Variants in CYB5A observed in about 807,000 individuals in gnomAD.
The protein encoded by CYB5A is cytochrome b5 type A, also known as cytochrome b5.
In CYB5A, 10 loss-of-function variants were observed where a neutral mutation model predicts 16.2. The ratio of observed to expected loss-of-function variants is 0.62; its 90% CI spans 0.38 to 1.04. The LOEUF (loss-of-function observed/expected upper bound fraction) is 1.04, where lower values mean the gene tolerates loss of function less well. Among genes scored for constraint, CYB5A ranks in the 50% least tolerant of loss-of-function variants. The probability of loss-of-function intolerance (pLI) is 0.01; values close to 1 mark genes in which losing one functional copy is unlikely to be tolerated. For synonymous variants in CYB5A, 62 were observed against 57.0 expected (o/e 1.09, Z -0.40); for missense variants, 161 against 165.9 (o/e 0.97, Z 0.16).
intron 1 of CYB5A, among the ~76,000 whole-genome samples, chr18:74,279,968 A>AT (rs1983029003): frequency 6.6e-6 from 1 of 152,250 alleles, no homozygotes; most frequent in Admixed American, 6.5e-5. Flanking sequence ...GGAAGGACAC[A>AT]GAGAAGCAAA....
chr18:74,267,665 A>T (rs975289238), intron 1 of CYB5A, among the ~76,000 whole-genome samples: 2 of 152,218 alleles, frequency 1.3e-5, no homozygotes, highest in Non-Finnish European at 2.9e-5. Flanking sequence ...AAGTAAACTT[A>T]TCTGATGATT....
chr18:74,251,711 C>T lies in CYB5A; in HGVS notation c.*1873G>A, dbSNP rs1981780976. 1 of 152,170 alleles carries T rather than the reference C, an allele frequency of 6.6e-6. No individual in the cohort carries two copies. The highest frequency in any genetic ancestry group is 1.5e-5 in the Non-Finnish European group (1 of 68,042). The allele number at this position is 152,170 out of a possible 1,614,324, so 9.4% of individuals were successfully genotyped here. A position where few individuals can be genotyped will look rare whatever the true frequency, so the allele number is the denominator to read the frequency against. On this transcript the variant is annotated 3_prime_UTR_variant, in exon 5 of 5. Transcript: ENST00000340533. ...CAAATATCTTTCCTTGAGAGTCTGG[C>T]TGCACAAACTGTAAATGTTAAAATT...
intron 1 of CYB5A, among the ~76,000 whole-genome samples, chr18:74,275,423 C>T (rs545401887): frequency 1.3e-5 from 2 of 152,206 alleles, no homozygotes; most frequent in Non-Finnish European, 2.9e-5. Context: ...ATACCGCCTC[C>T]GAGCACCAGG....
chr18:74,266,804 T>C (rs1982454637), intron 1 of CYB5A, among the ~76,000 whole-genome samples: 1 of 145,710 alleles, frequency 6.9e-6, no homozygotes, highest in Non-Finnish European at 1.5e-5. Flanking sequence ...GTTTCACTGA[T>C]AACTCATGTA....
chr18:74,262,469 AAG>A (rs1555688510), intron 2 of CYB5A, among the ~76,000 whole-genome samples: 9 of 145,036 alleles, frequency 6.2e-5, no homozygotes, highest in Admixed American at 5.8e-4. Context: ...AAAAAAAAAA[AAG>A]AAAAGAAAAG....
chr18:74,270,847 C>A (rs567348097), intron 1 of CYB5A, among the ~76,000 whole-genome samples: 3 of 152,136 alleles, frequency 2.0e-5, no homozygotes, highest in Non-Finnish European at 4.4e-5. Flanking sequence ...CTAGTGACAG[C>A]GACATTTCAT....
At chr18:74,255,270 G>C (rs1288197312) in intron 4 of CYB5A, among the ~76,000 whole-genome samples, 1 of 152,130 alleles carries the variant, frequency 6.6e-6, no homozygotes, top group African/African-American at 2.4e-5. Context: ...AAACAAATCT[G>C]GTGCCTAGAA....
intron 3 of CYB5A, chr18:74,257,064 A>G: frequency 1.8e-6 from 1 of 559,814 alleles, no homozygotes; most frequent in Non-Finnish European, 3.2e-6. Flanking sequence ...ATTAGAGGAC[A>G]CAATCAGTTC....
chr18:74,271,329 A>G (rs1788633), intron 1 of CYB5A, among the ~76,000 whole-genome samples: 2,065 of 152,234 alleles, frequency 0.014, 42 homozygotes, highest in African/African-American at 0.047. Context: ...AGATGACCCA[A>G]TGGGTCCTAA....
intron 1 of CYB5A, among the ~76,000 whole-genome samples, chr18:74,282,828 C>G (rs1983170573): frequency 6.6e-6 from 1 of 152,136 alleles, no homozygotes; most frequent in Admixed American, 6.5e-5. Context: ...CTTTCCAAAC[C>G]AGGGCAAAGA....
intron 1 of CYB5A, among the ~76,000 whole-genome samples, chr18:74,288,790 G>C (rs1303193320): frequency 1.3e-5 from 2 of 152,184 alleles, no homozygotes; most frequent in Non-Finnish European, 2.9e-5. Flanking sequence ...TTTGCCGGGG[G>C]CTGGGAAGCC....
intron 1 of CYB5A, among the ~76,000 whole-genome samples, chr18:74,286,289 TA>T (rs1351546778): frequency 6.6e-6 from 1 of 152,254 alleles, no homozygotes; most frequent in East Asian, 1.9e-4. Flanking sequence ...GTTGTATGTT[TA>T]AAAGCTCCTG....
intron 1 of CYB5A, among the ~76,000 whole-genome samples, chr18:74,272,330 A>C (rs1982699761): frequency 1.3e-5 from 2 of 152,226 alleles, no homozygotes; most frequent in African/African-American, 4.8e-5. Flanking sequence ...CACAGCAGTA[A>C]GGACGACCCA....
At chr18:74,266,448 C>T (rs1055698594) in intron 1 of CYB5A, among the ~76,000 whole-genome samples, 3 of 152,118 alleles carry the variant, frequency 2.0e-5, no homozygotes, top group Admixed American at 6.6e-5. Flanking sequence ...CAGGGACAGC[C>T]GATGTTCAAA....
At position 74,253,535 on chromosome 18, in the gene CYB5A, C is replaced by G. The variant is rs749104800; in HGVS notation, c.*49G>C. ...GAAGTAGTTAGCAATGGCTTCTTTTCTCCCGTGTCCAAAGCAGGCTCTTCC... is the reference window on the plus strand; with the variant it reads ...GAAGTAGTTAGCAATGGCTTCTTTTGTCCCGTGTCCAAAGCAGGCTCTTCC... On this transcript the variant is annotated 3_prime_UTR_variant, in exon 5 of 5. Transcript: ENST00000340533. 4 of 1,239,328 alleles carry G rather than the reference C, an allele frequency of 3.2e-6. No individual in the cohort carries two copies. The Admixed American group carries it at 5.2e-5, about 16-fold the overall frequency. 76.8% of individuals were successfully genotyped at this position (1,239,328 alleles called of 1,614,324 possible). A position where few individuals can be genotyped will look rare whatever the true frequency, so the allele number is the denominator to read the frequency against.
chr18:74,276,197 C>G (rs1225432610), intron 1 of CYB5A, among the ~76,000 whole-genome samples: 4 of 152,096 alleles, frequency 2.6e-5, no homozygotes, highest in African/African-American at 9.7e-5. Context: ...AGAGACTCAA[C>G]ATCCTAAATT....
At chr18:74,263,536 A>C in intron 1 of CYB5A, 59 bp from the exon 2 acceptor site, 1 of 1,497,808 alleles carries the variant, frequency 6.7e-7, no homozygotes, top group Middle Eastern at 1.7e-4. Context: ...TTAAGAGAAA[A>C]CGGCCAGAAT....
intron 1 of CYB5A, among the ~76,000 whole-genome samples, chr18:74,264,912 C>T (rs1788626): frequency 0.94 from 143,110 of 152,152 alleles, 67,775 homozygotes; most frequent in East Asian, 1. Flanking sequence ...AAAAAGAAAG[C>T]GGAGCTTGGG....
At chr18:74,265,671 C>T (rs371872269) in intron 1 of CYB5A, among the ~76,000 whole-genome samples, 1 of 152,206 alleles carries the variant, frequency 6.6e-6, no homozygotes, top group South Asian at 2.1e-4. Context: ...GCAGCCTGTA[C>T]AAGCACGGCA....
Sources: gnomAD v4.1 joint callset for allele counts (sites outside exome capture counted in the v4.1 genomes callset) on GRCh38, gnomAD v4.1.1 for gene constraint, MANE v1.5 for transcripts, NCBI Gene and HGNC (gene_info 2026-07-23, HGNC 2026-07-21) for gene names.